Variants in ZPLD1 observed in about 807,000 individuals in gnomAD.
ZPLD1 encodes the protein zona pellucida like domain containing 1.
In ZPLD1, 34 loss-of-function variants were observed where a neutral mutation model predicts 47.2. The observed-to-expected ratio is 0.72, with a 90% confidence interval of 0.55 to 0.96. The LOEUF is 0.96. Ranked by LOEUF, ZPLD1 falls within the 40% of genes least tolerant of loss-of-function variation. The pLI is 0.00. For synonymous variants in ZPLD1, 176 were observed against 186.2 expected (o/e 0.95, Z 0.45); for missense variants, 512 against 505.8 (o/e 1.01, Z -0.12).
chr3:102,479,022 T>C lies in ZPLD1; in HGVS notation c.*1404T>C, dbSNP rs1246667859. On this transcript the variant is annotated 3_prime_UTR_variant, in exon 12 of 12. Coordinates refer to ENST00000466937, the MANE Select transcript of ZPLD1 (RefSeq NM_001329788.2). Reference sequence around the variant, plus strand: ...AAATGTCTACAATGTGAGTTAATAATTAAATCAATCCTCAAGTTGAAAAAC... The same window carrying C: ...AAATGTCTACAATGTGAGTTAATAACTAAATCAATCCTCAAGTTGAAAAAC... The C allele has an allele frequency of 6.6e-6, 1 of 152,240 alleles. No individual in the cohort carries two copies. The highest frequency in any genetic ancestry group is 1.5e-5 in the Non-Finnish European group (1 of 68,038). 9.4% of individuals were successfully genotyped at this position (152,240 alleles called of 1,614,324 possible).
At chr3:102,447,469 A>C (rs1052472382) in intron 3 of ZPLD1, among the ~76,000 whole-genome samples, 12 of 152,222 alleles carry the variant, frequency 7.9e-5, no homozygotes, top group Non-Finnish European at 5.9e-5. Context: ...GAGTCATTGC[A>C]CTACAGTGCT....
chr3:102,402,600 C>T (rs62274721), intron 7 of ZPLD1, among the ~76,000 whole-genome samples: 20,100 of 151,908 alleles, frequency 0.13, 1,404 homozygotes, highest in Middle Eastern at 0.17. Flanking sequence ...AAAGAAATGG[C>T]GACAACATTG....
At chr3:102,408,438 C>A (rs1410230900) in intron 7 of ZPLD1, among the ~76,000 whole-genome samples, 1 of 151,762 alleles carries the variant, frequency 6.6e-6, no homozygotes, top group Non-Finnish European at 1.5e-5. Context: ...CAAACAGAAA[C>A]ATTAGCCATT....
intron 6 of ZPLD1, among the ~76,000 whole-genome samples, chr3:102,458,652 T>G (rs1707456669): frequency 6.6e-6 from 1 of 152,226 alleles, no homozygotes. Context: ...GAGCTATAAA[T>G]ATTGTAGTAG....
At chr3:102,422,271 C>T (rs753271259) in intron 8 of ZPLD1, among the ~76,000 whole-genome samples, 4 of 151,960 alleles carry the variant, frequency 2.6e-5, no homozygotes, top group Non-Finnish European at 5.9e-5. Context: ...GTTGTATCTC[C>T]AAAGGGTGAT....
chr3:102,456,206 C>G lies in ZPLD1; in HGVS notation c.341C>G (p.Pro114Arg). 6.2e-7 allele frequency: 1 copy of G among 1,612,532 alleles called. No individual in the cohort carries two copies. The highest frequency in any genetic ancestry group is 8.5e-7 in the Non-Finnish European group (1 of 1,179,418). ...ACATTCTAACAGGTATCCACAATTCCTGGAGTCAGTGCTTATGGAAATGCA... is the reference window on the plus strand; with the variant it reads ...ACATTCTAACAGGTATCCACAATTCGTGGAGTCAGTGCTTATGGAAATGCA... Reference protein sequence around the residue: ...CGNNLVVSTIPGVSAYGNATS... With the variant: ...CGNNLVVSTIRGVSAYGNATS... Residue 114 changes from proline to arginine, a missense_variant, in exon 5 of 12, where the codon CCT becomes CGT. Transcript: ENST00000466937.
intron 3 of ZPLD1, among the ~76,000 whole-genome samples, chr3:102,448,578 G>T (rs1369961351): frequency 6.6e-6 from 1 of 152,186 alleles, no homozygotes; most frequent in East Asian, 1.9e-4. Context: ...AGAAAACTGG[G>T]TTAGGAAAGA....
At chr3:102,452,451 G>A (rs1391732487) in intron 3 of ZPLD1, among the ~76,000 whole-genome samples, 3 of 152,094 alleles carry the variant, frequency 2.0e-5, no homozygotes, top group Non-Finnish European at 4.4e-5. Flanking sequence ...GTTACCAAAT[G>A]CCAAAGTACT....
At chr3:102,452,770 A>T in intron 3 of ZPLD1, 149 bp from the exon 4 acceptor site, 2 of 865,672 alleles carry the variant, frequency 2.3e-6, no homozygotes, top group Non-Finnish European at 3.4e-6. Flanking sequence ...TACTTTACTT[A>T]ATAGCTGGCA....
chr3:102,456,182 C>T lies in ZPLD1; in HGVS notation c.328-11C>T, dbSNP rs768426387. ...CATTTAATCATTAAACTGCATCTAA[C>T]ATTCTAACAGGTATCCACAATTCCT... On this transcript the variant is annotated splice_polypyrimidine_tract_variant and intron_variant, in intron 4 of 11. Transcript: ENST00000466937. 6.2e-7 allele frequency: 1 copy of T among 1,605,846 alleles called. No homozygotes were observed. Among genetic ancestry groups the T allele is most frequent in the Non-Finnish European group, 8.5e-7 (1 of 1,176,398 alleles).
intron 1 of ZPLD1, among the ~76,000 whole-genome samples, chr3:102,435,527 C>T (rs760935399): frequency 2.6e-5 from 4 of 152,138 alleles, no homozygotes; most frequent in African/African-American, 7.2e-5. Context: ...GTACGACCTG[C>T]ACATCAATAT....
At chr3:102,385,807 A>T (rs1706418483) in intron 6 of ZPLD1, among the ~76,000 whole-genome samples, 1 of 152,188 alleles carries the variant, frequency 6.6e-6, no homozygotes, top group Non-Finnish European at 1.5e-5. Context: ...TATTAATATA[A>T]ATTTTAGTTG....
chr3:102,477,816 C>T lies in ZPLD1; in HGVS notation c.*198C>T. 2 of 434,328 alleles carry T rather than the reference C, an allele frequency of 4.6e-6. No homozygotes were observed. 26.9% of individuals were successfully genotyped at this position (434,328 alleles called of 1,614,324 possible). A position where few individuals can be genotyped will look rare whatever the true frequency, so the allele number is the denominator to read the frequency against. ...TATTGTCACTTATGTACGTGGCGAG[C>T]CGTATTTTTATGCCACCAGTGAATA... On this transcript the variant is annotated 3_prime_UTR_variant, in exon 12 of 12. Transcript: ENST00000466937.
At chr3:102,464,449 G>A (rs1707561455) in intron 8 of ZPLD1, among the ~76,000 whole-genome samples, 198 bp downstream of exon 8, 1 of 152,158 alleles carries the variant, frequency 6.6e-6, no homozygotes, top group Non-Finnish European at 1.5e-5. Context: ...ATGCTGATAA[G>A]GCTATTGTTG....
intron 8 of ZPLD1, among the ~76,000 whole-genome samples, chr3:102,467,553 G>A (rs1026137605): frequency 1.3e-5 from 2 of 152,050 alleles, no homozygotes; most frequent in African/African-American, 4.8e-5. Context: ...GTAAGATAGA[G>A]TGTGGTACCA....
chr3:102,437,473 C>T lies in ZPLD1; in HGVS notation c.-9+500C>T, dbSNP rs576045722. Among the ~76,000 whole-genome samples the T allele has an allele frequency of 3.3e-5, 5 of 152,274 alleles. No individual in the cohort carries two copies. In the South Asian group the frequency reaches 1.0e-3, roughly 32 times the overall value. On this transcript the variant is annotated intron_variant, in intron 2 of 11. Coordinates refer to ENST00000466937, the MANE Select transcript of ZPLD1 (RefSeq NM_001329788.2). ...GACAGCTAAAACACCATTTTCCTTCCAAAACCCAAGCTTTTAAAATCCACT... is the reference window on the plus strand; with the variant it reads ...GACAGCTAAAACACCATTTTCCTTCTAAAACCCAAGCTTTTAAAATCCACT...
intron 10 of ZPLD1, among the ~76,000 whole-genome samples, chr3:102,470,744 A>ACACG (rs1553713926): frequency 1.3e-5 from 2 of 151,814 alleles, no homozygotes; most frequent in Admixed American, 1.3e-4. Flanking sequence ...ACACACACAC[A>ACACG]CACGCACACA....
At chr3:102,463,463 A>G (rs1370914077) in intron 7 of ZPLD1, among the ~76,000 whole-genome samples, 1 of 152,166 alleles carries the variant, frequency 6.6e-6, no homozygotes, top group African/African-American at 2.4e-5. Context: ...GACTTTGACC[A>G]TTCAGTTGTC....
At chr3:102,408,633 CT>C (rs201076251) in intron 7 of ZPLD1, among the ~76,000 whole-genome samples, 10 of 150,692 alleles carry the variant, frequency 6.6e-5, no homozygotes, top group South Asian at 2.1e-4. Context: ...TGCTTCTCAA[CT>C]TTTTTTTTAA....
Sources: gnomAD v4.1 joint callset for allele counts (sites outside exome capture counted in the v4.1 genomes callset) on GRCh38, gnomAD v4.1.1 for gene constraint, MANE v1.5 for transcripts, NCBI Gene and HGNC (gene_info 2026-07-23, HGNC 2026-07-21) for gene names.